Variants in MCHR2 observed in about 807,000 individuals in gnomAD.
MCHR2 encodes melanin concentrating hormone receptor 2.
In MCHR2, 15 loss-of-function variants were observed where a neutral mutation model predicts 24.8. The ratio of observed to expected loss-of-function variants is 0.60; its 90% confidence interval spans 0.40 to 0.93. The LOEUF (loss-of-function observed/expected upper bound fraction) is 0.93, where lower values mean the gene tolerates loss of function less well. MCHR2 is among the 40% of genes least tolerant of loss of function. The pLI is 0.00. For synonymous variants in MCHR2, 151 were observed against 147.6 expected (o/e 1.02, Z -0.17); for missense variants, 386 against 408.7 (o/e 0.94, Z 0.48).
In MCHR2 at chr6:99,956,022, C is replaced by T. The variant is rs1562126460; in HGVS notation, c.126G>A (p.Gly42=). ...VDTVILPSMI[G]IICSTGLVGN... ...CAACCAGCCCTGTTGAACAGATAAT[C>T]CCAATCATGGAAGGGAGGATGACTG... The change falls in exon 2 of 6, where the codon GGG becomes GGA. Residue 42 remains glycine (G), a synonymous_variant. Coordinates refer to ENST00000281806, the MANE Select transcript of MCHR2 (RefSeq NM_001040179.2). 1.9e-6 allele frequency: 3 copies of T among 1,612,768 alleles called. No homozygotes were observed. Among genetic ancestry groups the T allele is most frequent in the African/African-American group, 1.3e-5 (1 of 74,804 alleles).
chr6:99,990,754 T>C (rs1775857233), intron 1 of MCHR2, among the ~76,000 whole-genome samples: 2 of 151,854 alleles, frequency 1.3e-5, no homozygotes, highest in Non-Finnish European at 2.9e-5. Context: ...CTGTCTCCTC[T>C]CTGTCTCTCT....
chr6:99,972,430 C>T (rs551236708), intron 1 of MCHR2, among the ~76,000 whole-genome samples: 12 of 152,006 alleles, frequency 7.9e-5, no homozygotes, highest in South Asian at 4.2e-4. Context: ...TTTTTTATTG[C>T]GTCTATTTGA....
In MCHR2 at chr6:99,974,279, A is replaced by T. The variant is rs574643028; in HGVS notation, c.-27-18105T>A. The stretch of plus-strand genomic sequence containing the variant: ...TGTTTCTTTTTATTCTTTTTTCTCC[A>T]AACTTCCCTTCTCACTTCATTTCAT... On this transcript the variant is annotated intron_variant, in intron 1 of 5. Transcript: ENST00000281806. Among the ~76,000 whole-genome samples, 18 of 152,128 alleles carry T rather than the reference A, an allele frequency of 1.2e-4. No individual in the cohort carries two copies. In the South Asian group the frequency reaches 3.3e-3, roughly 28 times the overall value.
At chr6:99,978,669 C>T (rs897462234) in intron 1 of MCHR2, among the ~76,000 whole-genome samples, 2 of 152,052 alleles carry the variant, frequency 1.3e-5, no homozygotes, top group African/African-American at 2.4e-5. Flanking sequence ...CTGCCCACCT[C>T]GGCCTCCCAA....
chr6:99,951,481 A>G (rs1393540929), intron 2 of MCHR2, among the ~76,000 whole-genome samples: 4 of 152,008 alleles, frequency 2.6e-5, no homozygotes, highest in Admixed American at 2.6e-4. Context: ...CCTAACTGGG[A>G]ATTTTATTTT....
At chr6:99,961,300 G>A (rs915470521) in intron 1 of MCHR2, among the ~76,000 whole-genome samples, 52 of 151,994 alleles carry the variant, frequency 3.4e-4, no homozygotes, top group Admixed American at 3.0e-3. Context: ...ACAGTGTGGC[G>A]ATTCCTTAAG....
At chr6:99,988,859 C>T (rs1775814471) in intron 1 of MCHR2, among the ~76,000 whole-genome samples, 1 of 152,090 alleles carries the variant, frequency 6.6e-6, no homozygotes, top group South Asian at 2.1e-4. Flanking sequence ...TAACTTTTTC[C>T]ATATAATGAA....
intron 1 of MCHR2, among the ~76,000 whole-genome samples, chr6:99,961,210 A>G (rs1418530310): frequency 6.6e-6 from 1 of 152,054 alleles, no homozygotes; most frequent in Non-Finnish European, 1.5e-5. Context: ...GCGTTTTAGG[A>G]ACACTTTTTT....
At chr6:99,989,790 T>TA (rs1250230178) in intron 1 of MCHR2, among the ~76,000 whole-genome samples, 1 of 152,138 alleles carries the variant, frequency 6.6e-6, no homozygotes, top group African/African-American at 2.4e-5. Flanking sequence ...TTTTTGAAAA[T>TA]ATAAAATATT....
At chr6:99,985,217 T>C (rs184886706) in intron 1 of MCHR2, among the ~76,000 whole-genome samples, 9 of 150,628 alleles carry the variant, frequency 6.0e-5, no homozygotes, top group Admixed American at 5.9e-4. Context: ...GCTCATGAAT[T>C]GGAAGAACCA....
intron 1 of MCHR2, among the ~76,000 whole-genome samples, chr6:99,984,636 GA>G (rs1267242257): frequency 2.0e-5 from 3 of 151,818 alleles, no homozygotes; most frequent in African/African-American, 7.3e-5. Flanking sequence ...ATCCCTTCAT[GA>G]TAAAAAACCT....
intron 2 of MCHR2, among the ~76,000 whole-genome samples, chr6:99,953,578 TC>T (rs946025433): frequency 4.6e-5 from 7 of 152,116 alleles, no homozygotes; most frequent in African/African-American, 1.7e-4. Flanking sequence ...CCATCTTTTT[TC>T]CCCCACTTGA....
intron 1 of MCHR2, among the ~76,000 whole-genome samples, chr6:99,963,949 G>A (rs1775246111): frequency 6.6e-6 from 1 of 152,062 alleles, no homozygotes; most frequent in Admixed American, 6.6e-5. Context: ...AGATAGAGAA[G>A]CCTACAGAAA....
chr6:99,955,134 A>C (rs1775034310), intron 2 of MCHR2, among the ~76,000 whole-genome samples: 1 of 152,224 alleles, frequency 6.6e-6, no homozygotes, highest in Non-Finnish European at 1.5e-5. Flanking sequence ...AACTAGGATG[A>C]AAAATTTAAC....
intron 5 of MCHR2, among the ~76,000 whole-genome samples, chr6:99,925,124 C>A (rs997701007): frequency 6.6e-6 from 1 of 152,080 alleles, no homozygotes; most frequent in Non-Finnish European, 1.5e-5. Context: ...TATCCTCTTG[C>A]TAAATTGACC....
At chr6:99,926,824 G>T (rs6916176) in intron 5 of MCHR2, among the ~76,000 whole-genome samples, 2 of 152,018 alleles carry the variant, frequency 1.3e-5, no homozygotes, top group Admixed American at 1.3e-4. Context: ...TTGCTGTGCC[G>T]AAGCTCTTCA....
chr6:99,988,841 C>A (rs1775814226), intron 1 of MCHR2, among the ~76,000 whole-genome samples: 1 of 152,166 alleles, frequency 6.6e-6, no homozygotes, highest in Non-Finnish European at 1.5e-5. Flanking sequence ...TTGCTACCAG[C>A]AGGCATATAA....
At chr6:99,933,717 A>G (rs1282076298) in intron 5 of MCHR2, among the ~76,000 whole-genome samples, 1 of 152,128 alleles carries the variant, frequency 6.6e-6, no homozygotes, top group Admixed American at 6.5e-5. Flanking sequence ...CATAAGAAAC[A>G]CAAAAATATA....
chr6:99,986,444 TAAAG>T (rs1775771756), intron 1 of MCHR2, among the ~76,000 whole-genome samples: 2 of 152,146 alleles, frequency 1.3e-5, no homozygotes, highest in Non-Finnish European at 2.9e-5. Flanking sequence ...GATGAGCAGA[TAAAG>T]AAAATGTGGT....
Sources: allele counts gnomAD v4.1 joint callset (sites outside exome capture counted in the v4.1 genomes callset), GRCh38; gene constraint gnomAD v4.1.1; transcripts MANE v1.5; gene names NCBI Gene and HGNC (gene_info 2026-07-23, HGNC 2026-07-21).